The following ADIPOR2 variants were observed in gnomAD, a reference collection of about 807,000 sequenced individuals.
The protein encoded by ADIPOR2 is adiponectin receptor 2.
Under a neutral mutation model 40.9 loss-of-function variants are expected in ADIPOR2, and 18 were observed. The observed-to-expected ratio is 0.44, with a 90% CI of 0.30 to 0.65. The LOEUF is 0.65. Among genes scored for constraint, ADIPOR2 ranks in the 30% least tolerant of loss-of-function variants. The pLI is 0.09. For missense variants in ADIPOR2, 283 were observed against 479.2 expected, an observed-to-expected ratio of 0.59 and a Z score of 3.82; for synonymous variants, 165 against 166.4, an observed-to-expected ratio of 0.99 and a Z score of 0.06.
intron 1 of ADIPOR2, among the ~76,000 whole-genome samples, chr12:1,731,599 T>C (rs1319720497): frequency 2.0e-5 from 3 of 152,222 alleles, no homozygotes. Context: ...AATGGAATCA[T>C]ATAGCATTTG....
intron 1 of ADIPOR2, among the ~76,000 whole-genome samples, chr12:1,728,968 T>G (rs1025113535): frequency 6.6e-6 from 1 of 150,710 alleles, no homozygotes; most frequent in African/African-American, 2.4e-5. Context: ...GTTTTTTTTT[T>G]TTTTTTTTTT....
intron 1 of ADIPOR2, among the ~76,000 whole-genome samples, chr12:1,695,354 TA>T (rs1203407503): frequency 3.1e-3 from 437 of 140,180 alleles, no homozygotes; most frequent in Middle Eastern, 7.4e-3. Flanking sequence ...CTCTGTCTCT[TA>T]AAAAAAAAAA....
chr12:1,743,397 T>C (rs1043422112), intron 1 of ADIPOR2, among the ~76,000 whole-genome samples: 9 of 151,518 alleles, frequency 5.9e-5, no homozygotes, highest in African/African-American at 2.2e-4. Context: ...TCTAAAATAC[T>C]GGGCACATTA....
intron 1 of ADIPOR2, among the ~76,000 whole-genome samples, chr12:1,729,645 T>TG (rs1370182382): frequency 9.3e-4 from 33 of 35,342 alleles, no homozygotes; most frequent in African/African-American, 2.1e-3. Flanking sequence ...TTTTTTTGAG[T>TG]GTTTTTTTTT....
At chr12:1,721,565 G>T (rs1280680862) in intron 1 of ADIPOR2, among the ~76,000 whole-genome samples, 1 of 152,162 alleles carries the variant, frequency 6.6e-6, no homozygotes, top group Admixed American at 6.5e-5. Flanking sequence ...AATTTTCAGG[G>T]TTCACAGAGT....
At chr12:1,735,605 T>C in intron 1 of ADIPOR2, among the ~76,000 whole-genome samples, 1 of 152,214 alleles carries the variant, frequency 6.6e-6, no homozygotes, top group East Asian at 1.9e-4. Context: ...CCTGCCTAAT[T>C]GCCCTGGCCA....
intron 1 of ADIPOR2, among the ~76,000 whole-genome samples, chr12:1,715,875 C>T (rs891517880): frequency 6.6e-6 from 1 of 152,140 alleles, no homozygotes; most frequent in African/African-American, 2.4e-5. Context: ...ATGGACCAAT[C>T]AGTGCCCTGT....
In ADIPOR2 at chr12:1,788,066, C is replaced by CT. The variant is rs1284239523; in HGVS notation, c.*1996dup. 2 of 152,724 alleles carry CT rather than the reference C, an allele frequency of 1.3e-5. No individual in the cohort carries two copies. The highest frequency in any genetic ancestry group is 4.8e-5 in the African/African-American group (2 of 41,470). The allele number at this position is 152,724 out of a possible 1,614,324, so 9.5% of individuals were successfully genotyped here. ...GCAACAGCACGTATCAGAAGCCAGA[C>CT]TTGCTCTTCGGTCATGCACTTTGGG... On this transcript the variant is annotated 3_prime_UTR_variant, in exon 8 of 8. Coordinates refer to ENST00000357103, the MANE Select transcript of ADIPOR2 (RefSeq NM_024551.3).
chr12:1,713,832 A>G (rs2094682448), intron 1 of ADIPOR2, among the ~76,000 whole-genome samples: 1 of 152,048 alleles, frequency 6.6e-6, no homozygotes, highest in African/African-American at 2.4e-5. Flanking sequence ...ACAGGAGATT[A>G]ACACTGAGCC....
intron 1 of ADIPOR2, among the ~76,000 whole-genome samples, chr12:1,743,244 A>C (rs1173527344): frequency 1.4e-5 from 2 of 147,370 alleles, no homozygotes; most frequent in African/African-American, 5.2e-5. Context: ...AAAAAAAAAA[A>C]AACAAAGCAG....
intron 1 of ADIPOR2, among the ~76,000 whole-genome samples, chr12:1,733,289 A>G (rs2094724091): frequency 6.6e-6 from 1 of 152,128 alleles, no homozygotes; most frequent in Non-Finnish European, 1.5e-5. Flanking sequence ...CACGGGCTTG[A>G]CTTTATCTTA....
Position 1,781,088 on chromosome 12 carries a change from G to A in ADIPOR2, c.838+12G>A, listed in dbSNP as rs761732175. ...GGGAGTAAGAGCAGGTAAGAGCACG[G>A]GGAGGTTCTACATTCGACATTCATT... On this transcript the variant is annotated intron_variant, in intron 6 of 7. Transcript: ENST00000357103. 2 of 1,562,262 alleles carry A rather than the reference G, an allele frequency of 1.3e-6. No homozygotes were observed. Among genetic ancestry groups the A allele is most frequent in the African/African-American group, 1.4e-5 (1 of 71,972 alleles).
intron 1 of ADIPOR2, among the ~76,000 whole-genome samples, chr12:1,706,076 A>G (rs1234577112): frequency 6.6e-6 from 1 of 152,214 alleles, no homozygotes; most frequent in Non-Finnish European, 1.5e-5. Flanking sequence ...TCCTACAGAG[A>G]GATAACATCA....
At position 1,723,297 on chromosome 12, in the gene ADIPOR2, C is replaced by G. The variant is rs2094701298; in HGVS notation, c.-86-30961C>G. On this transcript the variant is annotated intron_variant, in intron 1 of 7. Coordinates refer to ENST00000357103, the MANE Select transcript of ADIPOR2 (RefSeq NM_024551.3). The stretch of plus-strand genomic sequence containing the variant: ...CGCATGTTCCATGAGGTCTCATAAT[C>G]CTCCCCAAAGGAGCTCTTCCCAAAA... Among the ~76,000 whole-genome samples the G allele has an allele frequency of 2.6e-5, 4 of 151,926 alleles. No homozygotes were observed. In the South Asian group the frequency reaches 8.3e-4, roughly 32 times the overall value.
At chr12:1,721,648 T>G (rs2094698181) in intron 1 of ADIPOR2, among the ~76,000 whole-genome samples, 1 of 152,080 alleles carries the variant, frequency 6.6e-6, no homozygotes, top group Admixed American at 6.5e-5. Flanking sequence ...TAAACAAAAA[T>G]ATCAGAGACA....
chr12:1,742,213 G>A (rs559979921), intron 1 of ADIPOR2, among the ~76,000 whole-genome samples: 2 of 152,270 alleles, frequency 1.3e-5, no homozygotes, highest in South Asian at 4.1e-4. Context: ...CCACCTCAGT[G>A]TCCTGAGTAG....
At chr12:1,736,858 A>G (rs2094731964) in intron 1 of ADIPOR2, among the ~76,000 whole-genome samples, 1 of 152,132 alleles carries the variant, frequency 6.6e-6, no homozygotes, top group South Asian at 2.1e-4. Flanking sequence ...TTCTGCCTTC[A>G]TTTCGTTATG....
chr12:1,782,407 C>G (rs1257651728), intron 6 of ADIPOR2, among the ~76,000 whole-genome samples: 1 of 152,160 alleles, frequency 6.6e-6, no homozygotes, highest in East Asian at 1.9e-4. Context: ...TCATTGTTAA[C>G]TCTGTGTCAA....
chr12:1,696,435 G>A (rs1025688796), intron 1 of ADIPOR2: 6 of 129,760 alleles, frequency 4.6e-5, no homozygotes, highest in African/African-American at 9.0e-5. Flanking sequence ...TTACTCTGTT[G>A]CCCAGACTGG....
Sources: gnomAD v4.1 joint callset for allele counts (sites outside exome capture counted in the v4.1 genomes callset) on GRCh38, gnomAD v4.1.1 for gene constraint, MANE v1.5 for transcripts, NCBI Gene and HGNC (gene_info 2026-07-23, HGNC 2026-07-21) for gene names.